RABGAP1L: variants seen among roughly 807,000 people sequenced by gnomAD.
RABGAP1L encodes RAB GTPase activating protein 1 like.
In RABGAP1L, 63 loss-of-function variants were observed where a neutral mutation model predicts 137.7. That is an observed-to-expected ratio of 0.46 (90% CI 0.37 to 0.56). The LOEUF (loss-of-function observed/expected upper bound fraction) is 0.56. Among genes scored for constraint, RABGAP1L ranks in the 20% least tolerant of loss-of-function variants. The pLI, the probability that RABGAP1L is intolerant of heterozygous loss-of-function variation, is 0.00. For synonymous variants in RABGAP1L, 431 were observed against 433.7 expected, an observed-to-expected ratio of 0.99 and a Z score of 0.08; for missense variants, 1,095 against 1,244.0, an observed-to-expected ratio of 0.88 and a Z score of 1.80.
chr1:174,232,823 C>G (rs1418555500), intron 4 of RABGAP1L, among the ~76,000 whole-genome samples: 2 of 151,840 alleles, frequency 1.3e-5, no homozygotes, highest in African/African-American at 4.8e-5. Flanking sequence ...CCCTCAGTCA[C>G]ACTTGTGGTT....
At chr1:174,899,869 T>G (rs1657859207) in intron 19 of RABGAP1L, among the ~76,000 whole-genome samples, 1 of 151,086 alleles carries the variant, frequency 6.6e-6, no homozygotes, top group African/African-American at 2.4e-5. Flanking sequence ...ATAACTAGAA[T>G]GGAAGTCAGG....
chr1:174,619,197 C>A (rs952746370), intron 13 of RABGAP1L, among the ~76,000 whole-genome samples: 3 of 152,164 alleles, frequency 2.0e-5, no homozygotes, highest in African/African-American at 7.2e-5. Context: ...GAGAATGGAA[C>A]CAAGTTGGAA....
At chr1:174,625,950 T>C (rs1331855012) in intron 13 of RABGAP1L, among the ~76,000 whole-genome samples, 1 of 151,990 alleles carries the variant, frequency 6.6e-6, no homozygotes, top group African/African-American at 2.4e-5. Flanking sequence ...TTCAAAAGAG[T>C]TCAAAGAGCT....
intron 11 of RABGAP1L, among the ~76,000 whole-genome samples, chr1:174,322,660 T>C (rs1274025281): frequency 6.6e-6 from 1 of 152,220 alleles, no homozygotes; most frequent in Non-Finnish European, 1.5e-5. Flanking sequence ...CACAGTATTC[T>C]GTAAGTCACA....
intron 13 of RABGAP1L, among the ~76,000 whole-genome samples, chr1:174,565,477 A>T (rs770234381): frequency 1.3e-4 from 20 of 151,786 alleles, no homozygotes; most frequent in Non-Finnish European, 2.9e-4. Context: ...TTTTTGTTTG[A>T]CTAGTTACTT....
intron 11 of RABGAP1L, among the ~76,000 whole-genome samples, chr1:174,310,662 T>C (rs528916233): frequency 6.6e-6 from 1 of 152,334 alleles, no homozygotes; most frequent in Admixed American, 6.5e-5. Flanking sequence ...TCTTGCTGAA[T>C]TGACCTTTTT....
chr1:174,820,429 A>G (rs1434460455), intron 19 of RABGAP1L, among the ~76,000 whole-genome samples: 1 of 152,212 alleles, frequency 6.6e-6, no homozygotes, highest in East Asian at 1.9e-4. Flanking sequence ...TCTGAATATT[A>G]AGAGCCACTT....
chr1:174,401,587 A>C (rs1418049451), intron 13 of RABGAP1L, among the ~76,000 whole-genome samples: 2 of 152,192 alleles, frequency 1.3e-5, no homozygotes, highest in Non-Finnish European at 2.9e-5. Context: ...GGGGAGAAAG[A>C]AAACAGGAAG....
chr1:174,583,757 GC>G (rs1461056919), intron 13 of RABGAP1L, among the ~76,000 whole-genome samples: 4 of 152,096 alleles, frequency 2.6e-5, no homozygotes, highest in Admixed American at 6.6e-5. Flanking sequence ...TAGACTTATT[GC>G]CCTTGTGCTG....
chr1:174,976,974 T>G (rs1477712217), intron 22 of RABGAP1L, among the ~76,000 whole-genome samples: 3 of 152,254 alleles, frequency 2.0e-5, no homozygotes, highest in Non-Finnish European at 4.4e-5. Context: ...AATTGAAGTC[T>G]TCTGCCAAGA....
intron 11 of RABGAP1L, among the ~76,000 whole-genome samples, chr1:174,312,065 T>C (rs1678910211): frequency 6.6e-6 from 1 of 152,236 alleles, no homozygotes; most frequent in Non-Finnish European, 1.5e-5. Flanking sequence ...GGAGTACACA[T>C]ATCTTTTTGC....
At chr1:174,603,218 A>C (rs137953278) in intron 13 of RABGAP1L, among the ~76,000 whole-genome samples, 84 of 152,302 alleles carry the variant, frequency 5.5e-4, no homozygotes, top group African/African-American at 1.9e-3. Flanking sequence ...TGTCAAGATC[A>C]CCTTGATGTT....
rs577371590 is a variant in RABGAP1L at position 174,342,938 on chromosome 1, C to T, written c.1466-28041C>T. Among the ~76,000 whole-genome samples, 4 of 152,324 alleles carry T rather than the reference C, an allele frequency of 2.6e-5. No individual in the cohort carries two copies. The East Asian group carries it at 5.8e-4, about 22-fold the overall frequency. On this transcript the variant is annotated intron_variant, in intron 11 of 25. Transcript: ENST00000681986. Reference sequence around the variant, plus strand: ...ATTTTTAGTAGAGACAGGGTTTCACCATGTTGGCCAGGATGGTCTTGATCT... The same window carrying T: ...ATTTTTAGTAGAGACAGGGTTTCACTATGTTGGCCAGGATGGTCTTGATCT...
chr1:174,506,833 TAAA>T (rs974267030), intron 13 of RABGAP1L, among the ~76,000 whole-genome samples: 1 of 151,740 alleles, frequency 6.6e-6, no homozygotes, highest in African/African-American at 2.4e-5. Flanking sequence ...ATAATAGTAA[TAAA>T]AAAAACTCAC....
At chr1:174,377,182 A>G (rs1001345153) in intron 12 of RABGAP1L, among the ~76,000 whole-genome samples, 12 of 152,140 alleles carry the variant, frequency 7.9e-5, no homozygotes, top group Admixed American at 3.3e-4. Context: ...ACTAGAAAAC[A>G]GTAATCAAAG....
At chr1:174,982,386 C>T (rs1349490973) in intron 23 of RABGAP1L, among the ~76,000 whole-genome samples, 1 of 152,092 alleles carries the variant, frequency 6.6e-6, no homozygotes, top group Non-Finnish European at 1.5e-5. Flanking sequence ...CATCACTCTG[C>T]CACTTCTTAA....
At chr1:174,549,090 C>G (rs1666240243) in intron 13 of RABGAP1L, among the ~76,000 whole-genome samples, 1 of 152,130 alleles carries the variant, frequency 6.6e-6, no homozygotes, top group Admixed American at 6.5e-5. Context: ...ATACTGAAAA[C>G]TAGTTTAATT....
At chr1:174,908,328 C>G (rs75758932) in intron 19 of RABGAP1L, among the ~76,000 whole-genome samples, 72 of 152,170 alleles carry the variant, frequency 4.7e-4, no homozygotes, top group African/African-American at 1.7e-3. Context: ...TACATTTCAC[C>G]CAACTGCTGC....
chr1:174,718,802 C>A (rs888719036), intron 17 of RABGAP1L, among the ~76,000 whole-genome samples: 1 of 150,390 alleles, frequency 6.6e-6, no homozygotes, highest in African/African-American at 2.4e-5. Context: ...GATGGGGGAA[C>A]TCCTTTATAG....
Sources: allele counts gnomAD v4.1 joint callset (sites outside exome capture counted in the v4.1 genomes callset), GRCh38; gene constraint gnomAD v4.1.1; transcripts MANE v1.5; gene names NCBI Gene and HGNC (gene_info 2026-07-23, HGNC 2026-07-21).